Variants in IKZF4 observed in about 807,000 individuals in gnomAD.
The protein encoded by IKZF4 is zinc finger protein Eos.
Under a neutral mutation model 47.7 loss-of-function variants are expected in IKZF4, and 11 were observed. The ratio of observed to expected loss-of-function variants is 0.23; its 90% CI spans 0.15 to 0.38. The LOEUF (loss-of-function observed/expected upper bound fraction) is 0.38. Among genes scored for constraint, IKZF4 ranks in the 10% least tolerant of loss-of-function variants. IKZF4 has a pLI of 1.00. For synonymous variants in IKZF4, 298 were observed against 299.4 expected (o/e 1.00, Z 0.05); for missense variants, 557 against 784.9 (o/e 0.71, Z 3.47).
At chr12:56,023,834 T>C in intron 2 of IKZF4, 70 bp downstream of exon 2, 1 of 1,561,308 alleles carries the variant, frequency 6.4e-7, no homozygotes. Flanking sequence ...AATTTTAGGC[T>C]TCCTCTCTCT....
chr12:56,033,441 C>T lies in IKZF4; in HGVS notation c.997+120C>T, dbSNP rs550547082. On this transcript the variant is annotated intron_variant, in intron 7 of 7. Transcript: ENST00000547167. ...CAGTCTGGTGGGCTGGGTGCAGTGG[C>T]TCACGTCTGTAATCCCAGCACTTTG... The T allele has an allele frequency of 2.0e-5, 25 of 1,270,316 alleles. No individual in the cohort carries two copies. The South Asian group carries it at 3.3e-4, about 17-fold the overall frequency. The allele number at this position is 1,270,316 out of a possible 1,614,324, so 78.7% of individuals were successfully genotyped here.
chr12:56,031,385 A>T (rs558191844), intron 5 of IKZF4, among the ~76,000 whole-genome samples: 5 of 152,352 alleles, frequency 3.3e-5, no homozygotes, highest in African/African-American at 1.2e-4. Flanking sequence ...ATTATGTATC[A>T]ATTATCAATT....
At chr12:56,013,089 C>A (rs1005687188) in intron 2 of IKZF4, among the ~76,000 whole-genome samples, 4 of 152,140 alleles carry the variant, frequency 2.6e-5, no homozygotes, top group Non-Finnish European at 4.4e-5. Flanking sequence ...CAGAGATATT[C>A]CTTTTGAATT....
At chr12:56,012,272 C>CTT (rs1227746530) in intron 2 of IKZF4, among the ~76,000 whole-genome samples, 23 of 134,880 alleles carry the variant, frequency 1.7e-4, no homozygotes, top group African/African-American at 2.2e-4. Context: ...TGTTAAATGA[C>CTT]TTTTTTTTTT....
intron 1 of IKZF4, among the ~76,000 whole-genome samples, chr12:56,009,659 C>T (rs779203361): frequency 1.3e-5 from 2 of 152,198 alleles, no homozygotes; most frequent in African/African-American, 2.4e-5. Flanking sequence ...ATGGTGAGAG[C>T]TGCCCTCATT....
At chr12:56,023,046 G>A (rs533235322) in intron 1 of IKZF4, among the ~76,000 whole-genome samples, 286 of 152,194 alleles carry the variant, frequency 1.9e-3, no homozygotes, top group African/African-American at 6.1e-3. Context: ...TGATCCGCCC[G>A]CCTCGGCCTC....
chr12:56,008,817 G>A (rs1023132715), intron 1 of IKZF4, among the ~76,000 whole-genome samples: 1 of 151,808 alleles, frequency 6.6e-6, no homozygotes, highest in Non-Finnish European at 1.5e-5. Context: ...TGGGATTACA[G>A]GCACCCGCCA....
intron 1 of IKZF4, among the ~76,000 whole-genome samples, chr12:56,007,963 C>G (rs1406176484): frequency 6.6e-6 from 1 of 151,922 alleles, no homozygotes; most frequent in Non-Finnish European, 1.5e-5. Flanking sequence ...ACTCGGGGGT[C>G]CTAAAAAGGC....
upstream of IKZF4, chr12:56,018,301 A>C: frequency 1.7e-6 from 1 of 590,560 alleles, no homozygotes; most frequent in Non-Finnish European, 2.7e-6. Flanking sequence ...GCTAACACTC[A>C]TGCTTGGTGG....
Position 56,026,793 on chromosome 12 carries a change from A to G in IKZF4, c.299A>G (p.Lys100Arg). 1 of 1,580,292 alleles carries G rather than the reference A, an allele frequency of 6.3e-7. No homozygotes were observed. ...TCCCACCCCTCAGCCAACTCCATCA[A>G]GGTGGAGATGTACAGCGATGAGGAG... Reference protein sequence around the residue: ...PSRSLSANSIKVEMYSDEESS... With the variant: ...PSRSLSANSIRVEMYSDEESS... The change falls in exon 4 of 8, where the codon AAG becomes AGG. Residue 100 changes from lysine to arginine, a missense_variant. By Grantham distance (26) the Lys-to-Arg change is conservative (BLOSUM62 2). Coordinates refer to ENST00000547167, the MANE Select transcript of IKZF4 (RefSeq NM_022465.4).
intron 5 of IKZF4, chr12:56,029,659 A>G (rs991419597): frequency 6.6e-6 from 1 of 152,218 alleles, no homozygotes; most frequent in African/African-American, 2.4e-5. Context: ...CATCGTTGAT[A>G]CATGCTTTAT....
In IKZF4 at chr12:56,025,071, C is replaced by T. The variant is rs537409765; in HGVS notation, c.199C>T (p.Leu67=). The T allele has an allele frequency of 8.5e-5, 136 of 1,593,490 alleles. No individual in the cohort carries two copies. The highest frequency in any genetic ancestry group is 1.1e-4 in the Non-Finnish European group (130 of 1,170,176). ...LFCESSGDSS[L]EKEFLGAPVG... The stretch of plus-strand genomic sequence containing the variant: ...CCTCCAAGGTAGCGGGGACTCATCT[C>T]TGGAGAAGGAGTTCCTCGGGGCCCC... Residue 67 remains leucine, a synonymous_variant, in exon 3 of 8, where the codon CTG becomes TTG. Coordinates refer to ENST00000547167, the MANE Select transcript of IKZF4 (RefSeq NM_022465.4).
chr12:56,012,977 A>G (rs1179316780), intron 2 of IKZF4, among the ~76,000 whole-genome samples: 1 of 152,198 alleles, frequency 6.6e-6, no homozygotes, highest in African/African-American at 2.4e-5. Flanking sequence ...CCCAGACAAC[A>G]TAGTGAGATC....
intron 1 of IKZF4, among the ~76,000 whole-genome samples, chr12:56,008,869 G>A (rs2136526988): frequency 6.6e-6 from 1 of 151,760 alleles, no homozygotes; most frequent in Admixed American, 6.6e-5. Context: ...AGAGATGGGG[G>A]TCTCACCATG....
Position 56,035,565 on chromosome 12 carries a change from C to T in IKZF4, c.*234C>T. ...TTTTTCCTTTTTATCTTCTCTCATCCCAGCATACTGAGTTATTTATTAATT... is the reference window on the plus strand; with the variant it reads ...TTTTTCCTTTTTATCTTCTCTCATCTCAGCATACTGAGTTATTTATTAATT... On this transcript the variant is annotated 3_prime_UTR_variant, in exon 8 of 8. Transcript: ENST00000547167. This position sits in a 1 kb window ranked among gnomAD's most constrained non-coding sequence, Gnocchi z 6.1. The T allele has an allele frequency of 2.2e-6, 1 of 449,610 alleles. No individual in the cohort carries two copies. The highest frequency in any genetic ancestry group is 3.9e-6 in the Non-Finnish European group (1 of 255,392). The allele number at this position is 449,610 out of a possible 1,614,324, so 27.9% of individuals were successfully genotyped here.
At position 56,028,039 on chromosome 12, in the gene IKZF4, G is replaced by A. The variant is rs936820321; in HGVS notation, c.715+92G>A. The A allele has an allele frequency of 5.9e-6, 8 of 1,351,858 alleles. No homozygotes were observed. In the African/African-American group the frequency reaches 8.9e-5, roughly 15 times the overall value. 83.7% of individuals were successfully genotyped at this position (1,351,858 alleles called of 1,614,324 possible). ...CTTCTCTTGTATTTGGGGAGTTCCA[G>A]TGTCTGTCATTGAGGAGGGGGGAGC... is the stretch of plus-strand genomic sequence containing the variant. On this transcript the variant is annotated intron_variant, in intron 5 of 7. Transcript: ENST00000547167.
At chr12:56,032,889 C>A (rs1022444906) in intron 6 of IKZF4, among the ~76,000 whole-genome samples, 179 bp downstream of exon 6, 1 of 152,180 alleles carries the variant, frequency 6.6e-6, no homozygotes, top group Non-Finnish European at 1.5e-5. Context: ...AGAGCCTTGT[C>A]TGTGGTGGGT....
rs1191193219 is a variant in IKZF4 at position 56,021,143 on chromosome 12, C to T, written c.-351C>T. The stretch of plus-strand genomic sequence containing the variant: ...CTTTCCCTCCCTGTGCACACACCCA[C>T]CACCCACCCCCTTCACTGTCTTGGA... On this transcript the variant is annotated 5_prime_UTR_variant, in exon 1 of 8. Coordinates refer to ENST00000547167, the MANE Select transcript of IKZF4 (RefSeq NM_022465.4). 1.4e-6 allele frequency: 2 copies of T among 1,394,690 alleles called. No individual in the cohort carries two copies. Among genetic ancestry groups the T allele is most frequent in the Non-Finnish European group, 1.9e-6 (2 of 1,075,292 alleles). The allele number at this position is 1,394,690 out of a possible 1,614,324, so 86.4% of individuals were successfully genotyped here.
In IKZF4 at chr12:56,025,591, G is replaced by A. The variant is rs543809075; in HGVS notation, c.286+433G>A. ...CTGTGACATTCTCTAAATGGTTGGA[G>A]TAGCCAGGAATGTAGGTCGGAGCTA... is the stretch of plus-strand genomic sequence containing the variant. On this transcript the variant is annotated intron_variant, in intron 3 of 7. Coordinates refer to ENST00000547167, the MANE Select transcript of IKZF4 (RefSeq NM_022465.4). Among the ~76,000 whole-genome samples, 5 of 152,264 alleles carry A rather than the reference G, an allele frequency of 3.3e-5. No individual in the cohort carries two copies. The South Asian group carries it at 1.0e-3, about 32-fold the overall frequency.
Sources: gnomAD v4.1 joint callset for allele counts (sites outside exome capture counted in the v4.1 genomes callset) on GRCh38, gnomAD v4.1.1 for gene constraint, Gnocchi (gnomAD v3.1) non-coding constraint, MANE v1.5 for transcripts, NCBI Gene and HGNC (gene_info 2026-07-23, HGNC 2026-07-21) for gene names.